Variants in STAU1 observed in about 807,000 individuals in gnomAD.
STAU1 encodes double-stranded RNA-binding protein Staufen homolog 1.
A neutral mutation model predicts 62.9 loss-of-function variants in STAU1; 13 were observed. The observed-to-expected ratio is 0.21, with a 90% CI of 0.13 to 0.33. The LOEUF (loss-of-function observed/expected upper bound fraction) is 0.33, where lower values mean the gene tolerates loss of function less well. Ranked by LOEUF, STAU1 falls within the 10% of genes least tolerant of loss-of-function variation. The pLI, the probability that STAU1 is intolerant of heterozygous loss-of-function variation, is 1.00. For synonymous variants in STAU1, 269 were observed against 265.1 expected (o/e 1.01, Z -0.14); for missense variants, 571 against 712.1 (o/e 0.80, Z 2.25).
rs553923822 is a variant in STAU1 at position 49,117,668 on chromosome 20, C to G, written c.1509+109G>C. On this transcript the variant is annotated intron_variant, in intron 11 of 13. Transcript: ENST00000371856. This position sits in a 1 kb window ranked among gnomAD's most constrained non-coding sequence, Gnocchi z 4.6. ...CACTGCTCCCCAGCCCATCCCTGGA[C>G]AGAACTTGATTTAAGAAAAAAGTAC... 6.7e-6 allele frequency: 8 copies of G among 1,187,884 alleles called. No individual in the cohort carries two copies. Among genetic ancestry groups the G allele is most frequent in the Non-Finnish European group, 6.9e-6 (6 of 863,414 alleles). 73.6% of individuals were successfully genotyped at this position (1,187,884 alleles called of 1,614,324 possible).
At chr20:49,130,726 A>G (rs1668106632) in intron 6 of STAU1, among the ~76,000 whole-genome samples, 1 of 152,216 alleles carries the variant, frequency 6.6e-6, no homozygotes, top group Non-Finnish European at 1.5e-5. Context: ...GTGATAATCA[A>G]TGCCAGCAAG....
chr20:49,143,461 C>T (rs1052170215), intron 5 of STAU1, among the ~76,000 whole-genome samples: 2 of 152,082 alleles, frequency 1.3e-5, no homozygotes. Context: ...GGTGTGGTGG[C>T]ATACACCTGT....
At chr20:49,120,497 G>GT (rs1165118518) in intron 8 of STAU1, among the ~76,000 whole-genome samples, 8 of 152,196 alleles carry the variant, frequency 5.3e-5, no homozygotes, top group African/African-American at 1.7e-4. Flanking sequence ...GCCATTGGAA[G>GT]TATCACTTTG....
chr20:49,132,393 G>C (rs1230837121), intron 6 of STAU1, among the ~76,000 whole-genome samples: 7 of 152,180 alleles, frequency 4.6e-5, no homozygotes, highest in African/African-American at 1.4e-4. Flanking sequence ...GTGTGAGCAT[G>C]TCACAATTGT....
intron 6 of STAU1, among the ~76,000 whole-genome samples, chr20:49,128,964 C>T (rs575152632): frequency 1.9e-4 from 29 of 152,038 alleles, no homozygotes; most frequent in Middle Eastern, 3.4e-3. Flanking sequence ...ACAAACTACA[C>T]CTCACCAAAA....
At position 49,164,752 on chromosome 20, in the gene STAU1, G is replaced by A. The variant is rs183339806; in HGVS notation, c.205+1245C>T. 7.7e-4 allele frequency among the ~76,000 whole-genome samples: 117 copies of A among 152,120 alleles called. 2 individuals are homozygous for A. The East Asian group carries it at 0.022, about 28-fold the overall frequency. On this transcript the variant is annotated intron_variant, in intron 3 of 13. Transcript: ENST00000371856. The stretch of plus-strand genomic sequence containing the variant: ...CTACCGTACTCCAGCCTAGGCAATA[G>A]AGACCCCGTGAAACAAACGAGAGAT...
intron 13 of STAU1, 123 bp from the exon 14 acceptor site, chr20:49,115,016 TAAC>T: frequency 9.9e-7 from 1 of 1,010,100 alleles, no homozygotes; most frequent in Non-Finnish European, 1.5e-6. Context: ...CAGTTTATGA[TAAC>T]AAAAGTTTTC....
chr20:49,150,124 A>G (rs1437491561), intron 5 of STAU1, among the ~76,000 whole-genome samples: 1 of 152,202 alleles, frequency 6.6e-6, no homozygotes, highest in Non-Finnish European at 1.5e-5. Context: ...GGCCAAAGAT[A>G]TTCACTAATG....
rs73909801 is a variant in STAU1, at chr20:49,187,238, G to A, written c.-160+878C>T. Among the ~76,000 whole-genome samples, 886 of 152,242 alleles carry A rather than the reference G, an allele frequency of 5.8e-3. 10 individuals carry two copies. The highest frequency in any genetic ancestry group is 0.02 in the African/African-American group (851 of 41,538). The stretch of plus-strand genomic sequence containing the variant: ...TGGCGGGGCGGGGAGAAATGGACAG[G>A]TTGCTCATCCTGCGGGAGATGGTGA... On this transcript the variant is annotated intron_variant, in intron 1 of 13. Coordinates refer to ENST00000371856, the MANE Select transcript of STAU1 (RefSeq NM_017453.4).
chr20:49,202,146 G>C, the STAU1 span, among the ~76,000 whole-genome samples: 1 of 150,890 alleles, frequency 6.6e-6, no homozygotes, highest in Admixed American at 6.6e-5. Flanking sequence ...CGTGAACCCG[G>C]GAGGCGGAGC....
chr20:49,137,888 C>T (rs2092924289), intron 5 of STAU1, among the ~76,000 whole-genome samples: 1 of 147,194 alleles, frequency 6.8e-6, no homozygotes, highest in Admixed American at 7.0e-5. Flanking sequence ...CCATCTTGGC[C>T]AGGCTATTCT....
chr20:49,152,543 T>C (rs1377919923), intron 4 of STAU1, among the ~76,000 whole-genome samples: 2 of 151,956 alleles, frequency 1.3e-5, no homozygotes, highest in African/African-American at 2.4e-5. Context: ...GGTTTCACCA[T>C]GTTGGCCAGG....
chr20:49,188,665 C>T (rs1219554549), upstream of STAU1, among the ~76,000 whole-genome samples: 3 of 152,242 alleles, frequency 2.0e-5, no homozygotes, highest in Non-Finnish European at 4.4e-5. Context: ...TCCTCCACTT[C>T]CTTTTTCCTT....
At chr20:49,196,225 A>G in the STAU1 span, among the ~76,000 whole-genome samples, 3 of 147,644 alleles carry the variant, frequency 2.0e-5, no homozygotes, top group Non-Finnish European at 4.5e-5. Flanking sequence ...TCACGAGGTC[A>G]GGAGATCAAG....
chr20:49,188,021 C>G (rs2093812939), intron 1 of STAU1, 95 bp downstream of exon 1: 1 of 151,364 alleles, frequency 6.6e-6, no homozygotes. Context: ...GGTGCGCGGG[C>G]CCGCCGAGGC....
At chr20:49,190,696 A>T (rs1252864286), upstream of STAU1, among the ~76,000 whole-genome samples, 1 of 151,872 alleles carries the variant, frequency 6.6e-6, no homozygotes, top group Non-Finnish European at 1.5e-5. Context: ...GGTCCTGAAG[A>T]CCTCTTGAGT....
chr20:49,142,623 C>T (rs1046453518), intron 5 of STAU1, among the ~76,000 whole-genome samples: 2 of 152,030 alleles, frequency 1.3e-5, no homozygotes, highest in African/African-American at 4.8e-5. Context: ...GAGGGCATGG[C>T]CTGGATAGCA....
chr20:49,140,884 C>T (rs2092991636), intron 5 of STAU1, among the ~76,000 whole-genome samples: 1 of 151,900 alleles, frequency 6.6e-6, no homozygotes, highest in Non-Finnish European at 1.5e-5. Context: ...GTAACTTGTG[C>T]TAACCCCAGA....
At chr20:49,148,625 G>A (rs2093176781) in intron 5 of STAU1, among the ~76,000 whole-genome samples, 1 of 152,172 alleles carries the variant, frequency 6.6e-6, no homozygotes, top group African/African-American at 2.4e-5. Flanking sequence ...AGCTAGAAAA[G>A]GGGCATAGAG....
Sources: gnomAD v4.1 joint callset for allele counts (sites outside exome capture counted in the v4.1 genomes callset) on GRCh38, gnomAD v4.1.1 for gene constraint, Gnocchi (gnomAD v3.1) non-coding constraint, MANE v1.5 for transcripts, NCBI Gene and HGNC (gene_info 2026-07-23, HGNC 2026-07-21) for gene names.